The following WHRN variants were observed in gnomAD, a reference collection of about 807,000 sequenced individuals.
WHRN encodes CASK-interacting protein CIP98.
WHRN carries 41 observed loss-of-function variants against 68.3 expected under a neutral mutation model. The observed-to-expected ratio is 0.60, with a 90% CI of 0.47 to 0.78. The LOEUF is 0.78. WHRN is among the 30% of genes least tolerant of loss of function. The probability of loss-of-function intolerance (pLI) is 0.00; values close to 1 mark genes in which losing one functional copy is unlikely to be tolerated. For synonymous variants in WHRN, 560 were observed against 561.3 expected (o/e 1.00, Z 0.03); for missense variants, 1,243 against 1,244.7 (o/e 1.00, Z 0.02).
intron 9 of WHRN, 115 bp downstream of exon 9, chr9:114,406,240 C>T (rs1281356343): frequency 4.8e-6 from 7 of 1,458,120 alleles, no homozygotes; most frequent in African/African-American, 1.4e-5. Flanking sequence ...GCCACTCTGG[C>T]CCTGAGCCCC....
intron 7 of WHRN, among the ~76,000 whole-genome samples, chr9:114,414,861 C>T (rs1031638721): frequency 3.9e-5 from 6 of 152,160 alleles, no homozygotes; most frequent in Non-Finnish European, 5.9e-5. Context: ...CTATCATCCT[C>T]GATATGCCCT....
rs869187937 is a variant in WHRN at position 114,438,454 on chromosome 9, CT to C, written c.964-12042del. ...AACGGAATCCCACTTTCTTTTTTTT[CT>C]TTTTTTTTTTTTTTTGAGACAGAGT... On this transcript the variant is annotated intron_variant, in intron 3 of 11. Coordinates refer to ENST00000362057, the MANE Select transcript of WHRN (RefSeq NM_015404.4). Among the ~76,000 whole-genome samples, 718 of 134,182 alleles carry C rather than the reference CT, an allele frequency of 5.4e-3. 2 individuals are homozygous for C. The highest frequency in any genetic ancestry group is 0.015 in the African/African-American group (541 of 36,382). 88.0% of individuals were successfully genotyped at this position (134,182 alleles called of 152,430 possible).
At chr9:114,412,959 G>A (rs1228813247) in intron 7 of WHRN, among the ~76,000 whole-genome samples, 1 of 152,208 alleles carries the variant, frequency 6.6e-6, no homozygotes, top group Non-Finnish European at 1.5e-5. Flanking sequence ...TACAATGGGA[G>A]GGCTGTTACA....
rs1377188768 is a variant in WHRN at position 114,406,354 on chromosome 9, C to T, written c.2236+1G>A. 1 of 1,614,060 alleles carries T rather than the reference C, an allele frequency of 6.2e-7. No individual in the cohort carries two copies. Among genetic ancestry groups the T allele is most frequent in the Non-Finnish European group, 8.5e-7 (1 of 1,180,050 alleles). The stretch of plus-strand genomic sequence containing the variant: ...ACAGAGCCTGGCCTTGCTGTACTCA[C>T]TGCGCGTCTGGGGCAGCGCCCTCAC... On this transcript the variant is annotated splice_donor_variant, in intron 9 of 11. Transcript: ENST00000362057. LOFTEE classifies it high-confidence loss of function.
Position 114,403,962 on chromosome 9 carries a change from G to A in WHRN, c.2352C>T (p.Ser784=), listed in dbSNP as rs1834847534. The change falls in exon 10 of 12, where the codon TCC becomes TCT. Residue 784 remains serine, a synonymous_variant. Transcript: ENST00000362057. ...SAPGRGRQSV[S]TKSRSSKELP... is the part of the protein sequence containing the mutation. ...GCTCCTTGCTACTCCTGCTCTTGGT[G>A]GACACCGACTGCCTTCCTCGGCCTG... 4 of 1,611,690 alleles carry A rather than the reference G, an allele frequency of 2.5e-6. No homozygotes were observed. The highest frequency in any genetic ancestry group is 1.1e-5 in the South Asian group (1 of 91,074).
chr9:114,414,196 G>A (rs1010695153), intron 7 of WHRN, among the ~76,000 whole-genome samples: 1 of 152,124 alleles, frequency 6.6e-6, no homozygotes, highest in Non-Finnish European at 1.5e-5. Flanking sequence ...GATCTTTCAC[G>A]TCACATTCCA....
At chr9:114,430,866 A>C (rs773108618) in intron 3 of WHRN, among the ~76,000 whole-genome samples, 14 of 152,136 alleles carry the variant, frequency 9.2e-5, no homozygotes, top group Non-Finnish European at 2.1e-4. Flanking sequence ...TGTTCAAACC[A>C]AAGTGCTAGG....
In WHRN at chr9:114,504,897, C is replaced by T. The variant is rs1361687175; in HGVS notation, c.-96G>A. 2.0e-5 allele frequency: 26 copies of T among 1,322,148 alleles called. No homozygotes were observed. The Admixed American group carries it at 1.1e-3, about 55-fold the overall frequency. The allele number at this position is 1,322,148 out of a possible 1,614,324, so 81.9% of individuals were successfully genotyped here. A position where few individuals can be genotyped will look rare whatever the true frequency, so the allele number is the denominator to read the frequency against. On this transcript the variant is annotated 5_prime_UTR_variant, in exon 1 of 12. Transcript: ENST00000362057. Reference sequence around the variant, plus strand: ...GGCGCGACAGCTGGATCCCCGGGAGCGCGGAGACGACGGCTGGAGCCTGGG... The same window carrying T: ...GGCGCGACAGCTGGATCCCCGGGAGTGCGGAGACGACGGCTGGAGCCTGGG...
At position 114,403,926 on chromosome 9, in the gene WHRN, G is replaced by T. The variant is rs2274158; in HGVS notation, c.2388C>A (p.Asn796Lys). 0.23 allele frequency: 371,882 copies of T among 1,610,268 alleles called. 45,475 individuals are homozygous for T. Among genetic ancestry groups the T allele is most frequent in the East Asian group, 0.36 (15,980 of 44,822 alleles). ...KSRSSKELPR[N>K]ERPTDGANKP... ...TGTTGGCCCCATCTGTGGGCCTCTC[G>T]TTCCGAGGCAGCTCCTTGCTACTCC... The change falls in exon 10 of 12, where the codon AAC (asparagine) becomes AAA (lysine). Residue 796 changes from asparagine to lysine, a missense_variant. Physicochemically the swap from Asn to Lys is moderately conservative, Grantham distance 94. Coordinates refer to ENST00000362057, the MANE Select transcript of WHRN (RefSeq NM_015404.4).
rs1042573179 is a variant in WHRN, at chr9:114,479,369, G to A, written c.619-598C>T. Among the ~76,000 whole-genome samples, 5 of 152,160 alleles carry A rather than the reference G, an allele frequency of 3.3e-5. No individual in the cohort carries two copies. In the East Asian group the frequency reaches 5.8e-4, roughly 18 times the overall value. ...TGTGGAACTCACAGGGAGGGGACCC[G>A]TGGAAGCCTGTGCCTGGTCTCCTCT... On this transcript the variant is annotated intron_variant, in intron 1 of 11. Transcript: ENST00000362057.
intron 1 of WHRN, among the ~76,000 whole-genome samples, chr9:114,501,536 T>G (rs1843920594): frequency 6.8e-6 from 1 of 146,528 alleles, no homozygotes; most frequent in South Asian, 2.1e-4. Flanking sequence ...AAATTTAATT[T>G]AATTTAATTT....
At chr9:114,498,923 T>C (rs1318126514) in intron 1 of WHRN, among the ~76,000 whole-genome samples, 1 of 152,186 alleles carries the variant, frequency 6.6e-6, no homozygotes, top group Non-Finnish European at 1.5e-5. Context: ...TAATCGTTAA[T>C]GTCAGTCTCC....
intron 7 of WHRN, among the ~76,000 whole-genome samples, chr9:114,416,982 G>A (rs1378621536): frequency 1.3e-5 from 2 of 152,232 alleles, no homozygotes; most frequent in African/African-American, 4.8e-5. Flanking sequence ...AAGCCCCTCT[G>A]CCACAGGCAT....
intron 3 of WHRN, among the ~76,000 whole-genome samples, chr9:114,456,675 A>G (rs1839828102): frequency 6.6e-6 from 1 of 152,044 alleles, no homozygotes; most frequent in African/African-American, 2.4e-5. Flanking sequence ...TAAAAATAGA[A>G]AAAAATTAGC....
intron 3 of WHRN, among the ~76,000 whole-genome samples, chr9:114,438,251 C>T (rs1275385362): frequency 6.6e-6 from 1 of 151,768 alleles, no homozygotes; most frequent in Non-Finnish European, 1.5e-5. Context: ...GTGAGTGAGA[C>T]AGATTGAGAT....
chr9:114,442,083 A>G (rs4979392), intron 3 of WHRN, among the ~76,000 whole-genome samples: 58,358 of 152,108 alleles, frequency 0.38, 13,228 homozygotes, highest in East Asian at 0.58. Flanking sequence ...GAAACATTCT[A>G]CAAAATAATG....
intron 7 of WHRN, among the ~76,000 whole-genome samples, chr9:114,408,431 T>A (rs560872607): frequency 2.0e-5 from 3 of 152,348 alleles, no homozygotes; most frequent in Admixed American, 2.0e-4. Context: ...GGGGAAAGTC[T>A]CTCCCTTTTT....
intron 1 of WHRN, among the ~76,000 whole-genome samples, chr9:114,499,097 G>T (rs1351660327): frequency 6.6e-6 from 1 of 152,162 alleles, no homozygotes; most frequent in East Asian, 1.9e-4. Flanking sequence ...GTTCAATTTT[G>T]CTGTGAACCG....
At position 114,407,085 on chromosome 9, in the gene WHRN, G is replaced by A. The variant is rs564630365; in HGVS notation, c.1699-193C>T. ...CCCTGCATCTCGGCAGCTGATAAGC[G>A]TTGGGATCTTGGCGGGTGTCTCTGG... On this transcript the variant is annotated intron_variant, in intron 8 of 11. Transcript: ENST00000362057. Among the ~76,000 whole-genome samples the A allele has an allele frequency of 4.6e-5, 7 of 152,354 alleles. No individual in the cohort carries two copies. The South Asian group carries it at 8.3e-4, about 18-fold the overall frequency.
Sources: gnomAD v4.1 joint callset for allele counts (sites outside exome capture counted in the v4.1 genomes callset) on GRCh38, gnomAD v4.1.1 for gene constraint, MANE v1.5 for transcripts, NCBI Gene and HGNC (gene_info 2026-07-23, HGNC 2026-07-21) for gene names.